The following DNAH8 variants were observed in gnomAD, a reference collection of about 807,000 sequenced individuals.
DNAH8 encodes dynein axonemal heavy chain 8, also known as axonemal beta dynein heavy chain 8.
DNAH8 carries 382 observed loss-of-function variants against 562.1 expected under a neutral mutation model. The ratio of observed to expected loss-of-function variants is 0.68; its 90% CI spans 0.63 to 0.74. The LOEUF (loss-of-function observed/expected upper bound fraction) is 0.74, where lower values mean the gene tolerates loss of function less well. DNAH8 is among the 30% of genes least tolerant of loss of function. The pLI, the probability that DNAH8 is intolerant of heterozygous loss-of-function variation, is 0.00. For synonymous variants in DNAH8, 1,881 were observed against 1,919.4 expected (o/e 0.98, Z 0.52); for missense variants, 5,203 against 5,620.4 (o/e 0.93, Z 2.37).
chr6:38,878,477 A>C, intron 53 of DNAH8, among the ~76,000 whole-genome samples: 1 of 152,212 alleles, frequency 6.6e-6, no homozygotes, highest in East Asian at 1.9e-4. Flanking sequence ...TGATCAAAGC[A>C]GAAATCAATG....
chr6:39,018,939 G>C (rs552426332), intron 91 of DNAH8, among the ~76,000 whole-genome samples: 1 of 152,232 alleles, frequency 6.6e-6, no homozygotes, highest in Non-Finnish European at 1.5e-5. Context: ...TGAGTGAAAC[G>C]AGGAAATGGA....
chr6:38,904,722 G>T (rs941319939), intron 62 of DNAH8, among the ~76,000 whole-genome samples: 3 of 150,156 alleles, frequency 2.0e-5, no homozygotes, highest in African/African-American at 7.4e-5. Context: ...TACCCTGATG[G>T]TGGAGGTTGC....
intron 10 of DNAH8, among the ~76,000 whole-genome samples, chr6:38,760,937 T>C (rs1678684): frequency 0.22 from 33,671 of 151,868 alleles, 4,158 homozygotes; most frequent in East Asian, 0.46. Context: ...AGGTATTCCT[T>C]GATAGCAATG....
chr6:38,976,298 T>A (rs1763668132), intron 85 of DNAH8, among the ~76,000 whole-genome samples: 1 of 152,184 alleles, frequency 6.6e-6, no homozygotes, highest in South Asian at 2.1e-4. Flanking sequence ...CTTTCAAGGT[T>A]TTTTTCAATT....
chr6:38,860,088 T>G (rs1225298850), intron 42 of DNAH8, among the ~76,000 whole-genome samples: 1 of 152,242 alleles, frequency 6.6e-6, no homozygotes, highest in Non-Finnish European at 1.5e-5. Context: ...GGCTAATTCC[T>G]ACTATTTATC....
In DNAH8 at chr6:38,723,104, G is replaced by A; in HGVS notation, c.295G>A (p.Glu99Lys). Reference protein sequence around the residue: ...APRPVQSVISEVLSLPSSRRS... With the variant: ...APRPVQSVISKVLSLPSSRRS... ...GCGACCGGTTCAGTCAGTGATTTCG[G>A]AAGTGCTGTCCTTGCCGTCTTCCCG... The change falls in exon 2 of 93, where the codon GAA (glutamate) becomes AAA (lysine). Residue 99 changes from glutamate (E) to lysine (K), a missense_variant. Coordinates refer to ENST00000327475, the MANE Select transcript of DNAH8 (RefSeq NM_001206927.2). The A allele has an allele frequency of 1.2e-6, 2 of 1,612,914 alleles. No individual in the cohort carries two copies. The highest frequency in any genetic ancestry group is 1.7e-5 in the Admixed American group (1 of 60,032).
At chr6:38,842,587 TA>T (rs1774903420) in intron 34 of DNAH8, 75 bp from the exon 35 acceptor site, 3 of 1,580,320 alleles carry the variant, frequency 1.9e-6, no homozygotes, top group East Asian at 4.5e-5. Flanking sequence ...TTCCCTAATA[TA>T]ATAGTGTATA....
At chr6:38,815,426 T>A in intron 25 of DNAH8, 42 bp from the exon 26 acceptor site, 1 of 1,507,686 alleles carries the variant, frequency 6.6e-7, no homozygotes, top group Non-Finnish European at 9.2e-7. Context: ...GGATGGACTG[T>A]ATGTGCCGGC....
intron 82 of DNAH8, among the ~76,000 whole-genome samples, chr6:38,969,679 G>A (rs901147890): frequency 2.7e-5 from 4 of 145,958 alleles, no homozygotes; most frequent in Non-Finnish European, 6.0e-5. Flanking sequence ...GAATGGATAG[G>A]GGGGTGGTGA....
At chr6:38,783,543 T>A (rs544175330) in intron 17 of DNAH8, among the ~76,000 whole-genome samples, 2 of 152,176 alleles carry the variant, frequency 1.3e-5, no homozygotes, top group Admixed American at 6.5e-5. Flanking sequence ...CCTTCCTGTG[T>A]CTCTCCTTTA....
At chr6:38,846,244 T>C (rs1775293925) in intron 36 of DNAH8, among the ~76,000 whole-genome samples, 1 of 152,184 alleles carries the variant, frequency 6.6e-6, no homozygotes, top group Admixed American at 6.5e-5. Context: ...TTTCATTTTT[T>C]ATGGTGAAAA....
At position 38,909,757 on chromosome 6, in the gene DNAH8, A is replaced by G. The variant is rs780514296; in HGVS notation, c.9740+13A>G. The G allele has an allele frequency of 3.4e-5, 55 of 1,602,196 alleles. No individual in the cohort carries two copies. Among genetic ancestry groups the G allele is most frequent in the Admixed American group, 5.0e-5 (3 of 59,966 alleles). On this transcript the variant is annotated intron_variant, in intron 65 of 92. Coordinates refer to ENST00000327475, the MANE Select transcript of DNAH8 (RefSeq NM_001206927.2). ...GTTATTTCCAAAGGTAAGTGATATT[A>G]CATAAGCACCATCGCTATGGAACCA...
chr6:38,896,619 AAG>A lies in DNAH8; in HGVS notation c.8940+407_8940+408del, dbSNP rs796984528. On this transcript the variant is annotated intron_variant, in intron 60 of 92. Coordinates refer to ENST00000327475, the MANE Select transcript of DNAH8 (RefSeq NM_001206927.2). Reference sequence around the variant, plus strand: ...CAAACAAACAAACAAAAAAACAAAAAAGAGAGAGAGAGAGTTCAGTAAGATGA... The same window carrying A: ...CAAACAAACAAACAAAAAAACAAAAAAGAGAGAGAGAGTTCAGTAAGATGA... Among the ~76,000 whole-genome samples the A allele has an allele frequency of 1.4e-3, 216 of 151,712 alleles. 1 individual carries two copies. The highest frequency in any genetic ancestry group is 4.7e-3 in the African/African-American group (193 of 41,402).
At chr6:38,728,616 G>A (rs1189710041) in intron 3 of DNAH8, among the ~76,000 whole-genome samples, 2 of 152,142 alleles carry the variant, frequency 1.3e-5, no homozygotes, top group African/African-American at 4.8e-5. Flanking sequence ...TCCCTTTTAG[G>A]TGGCAATTAT....
chr6:39,007,635 C>A (rs73412493), intron 88 of DNAH8, among the ~76,000 whole-genome samples: 1,995 of 152,246 alleles, frequency 0.013, 52 homozygotes, highest in African/African-American at 0.042. Flanking sequence ...TCCCATATAA[C>A]CCTGCATGGT....
intron 88 of DNAH8, among the ~76,000 whole-genome samples, chr6:38,998,829 G>A (rs1765303861): frequency 6.6e-6 from 1 of 152,136 alleles, no homozygotes; most frequent in Non-Finnish European, 1.5e-5. Flanking sequence ...AACCCTCAAG[G>A]AATATTATAG....
chr6:38,874,976 T>C (rs944866369), intron 52 of DNAH8, among the ~76,000 whole-genome samples: 1 of 152,226 alleles, frequency 6.6e-6, no homozygotes, highest in Admixed American at 6.5e-5. Flanking sequence ...TCTGATGCTA[T>C]AGGGCATTGG....
intron 55 of DNAH8, 30 bp from the exon 56 acceptor site, chr6:38,883,846 G>A (rs1203696722): frequency 1.3e-6 from 2 of 1,509,040 alleles, no homozygotes; most frequent in South Asian, 2.8e-5. Context: ...AAAATCTAAT[G>A]CATAAGACAA....
At chr6:38,907,727 G>T (rs1468231560) in intron 63 of DNAH8, among the ~76,000 whole-genome samples, 1 of 152,224 alleles carries the variant, frequency 6.6e-6, no homozygotes, top group South Asian at 2.1e-4. Context: ...TAGCTTTTTG[G>T]TGATAGCTAT....
Sources: gnomAD v4.1 joint callset for allele counts (sites outside exome capture counted in the v4.1 genomes callset) on GRCh38, gnomAD v4.1.1 for gene constraint, MANE v1.5 for transcripts, NCBI Gene and HGNC (gene_info 2026-07-23, HGNC 2026-07-21) for gene names.